Variants in MBTPS1 observed in about 807,000 individuals in gnomAD.
MBTPS1 encodes membrane-bound transcription factor site-1 protease.
MBTPS1 carries 94 observed loss-of-function variants against 127.8 expected under a neutral mutation model. The ratio of observed to expected loss-of-function variants is 0.74; its 90% confidence interval spans 0.62 to 0.87. The LOEUF (loss-of-function observed/expected upper bound fraction) is 0.87, where lower values mean the gene tolerates loss of function less well. Ranked by LOEUF, MBTPS1 falls within the 40% of genes least tolerant of loss-of-function variation. The pLI, the probability that MBTPS1 is intolerant of heterozygous loss-of-function variation, is 0.00. For synonymous variants in MBTPS1, 632 were observed against 509.4 expected, an observed-to-expected ratio of 1.24 and a Z score of -3.24; for missense variants, 1,636 against 1,353.2, an observed-to-expected ratio of 1.21 and a Z score of -3.28.
At chr16:84,062,903 G>C (rs139003706) in intron 19 of MBTPS1, among the ~76,000 whole-genome samples, 1 of 152,196 alleles carries the variant, frequency 6.6e-6, no homozygotes, top group Admixed American at 6.6e-5. Context: ...CAGTAAAAGA[G>C]TGAGTCAGAC....
rs550233272 is a variant in MBTPS1 at position 84,097,790 on chromosome 16, C to T, written c.421+1263G>A. 1.5e-3 allele frequency among the ~76,000 whole-genome samples: 230 copies of T among 151,816 alleles called. 2 individuals are homozygous for T. Among genetic ancestry groups the T allele is most frequent in the Non-Finnish European group, 2.6e-3 (178 of 67,962 alleles). ...CAGAAAAGGCTCTGAAAAAGTCAGA[C>T]GCCTTAAGTTTACACCTGGTTTTAC... On this transcript the variant is annotated intron_variant, in intron 3 of 22. Transcript: ENST00000343411.
In MBTPS1 at chr16:84,101,817, T is replaced by C. The variant is rs1180161312; in HGVS notation, c.-34A>G. ...GCGAATATGATCATAAAATTGCATA[T>C]ATTCAAATCACACTTTTTTCTTCTT... On this transcript the variant is annotated 5_prime_UTR_variant, in exon 2 of 23. It adds an upstream start codon to the 5' untranslated region. Transcript: ENST00000343411. The C allele has an allele frequency of 1.3e-6, 2 of 1,576,324 alleles. No homozygotes were observed. The highest frequency in any genetic ancestry group is 1.2e-5 in the South Asian group (1 of 86,954).
In MBTPS1 at chr16:84,099,212, T is replaced by C. The variant is rs779138922; in HGVS notation, c.262A>G (p.Ile88Val). ...KSSEVDNWRI[I>V]PRNNPSSDYP... is the part of the protein sequence containing the mutation. ...TCACTGGATGGATTGTTTCGAGGTA[T>C]AATTCTCCAATTGTCTACTTCACTG... Residue 88 changes from isoleucine to valine, a missense_variant, in exon 3 of 23, where the codon ATA becomes GTA. By Grantham distance (29) the Ile-to-Val change is conservative (BLOSUM62 3). Coordinates refer to ENST00000343411, the MANE Select transcript of MBTPS1 (RefSeq NM_003791.4). The C allele has an allele frequency of 6.4e-5, 104 of 1,614,110 alleles. No individual in the cohort carries two copies. The highest frequency in any genetic ancestry group is 8.3e-5 in the Admixed American group (5 of 60,010).
chr16:84,071,945 C>G (rs1171551830), intron 12 of MBTPS1: 1 of 152,118 alleles, frequency 6.6e-6, no homozygotes, highest in Non-Finnish European at 1.5e-5. Flanking sequence ...CAAGAGGAAA[C>G]AGAATTCGTA....
chr16:84,094,636 A>G (rs909625993), intron 4 of MBTPS1, among the ~76,000 whole-genome samples: 1 of 152,272 alleles, frequency 6.6e-6, no homozygotes, highest in Non-Finnish European at 1.5e-5. Flanking sequence ...TATTAAACTG[A>G]GATAAATATA....
chr16:84,054,930 C>T (rs1014348601), intron 22 of MBTPS1, among the ~76,000 whole-genome samples: 1 of 152,174 alleles, frequency 6.6e-6, no homozygotes, highest in African/African-American at 2.4e-5. Flanking sequence ...CCCAGCTATG[C>T]TTCTGTCACA....
chr16:84,065,176 G>C lies in MBTPS1; in HGVS notation c.2431+514C>G, dbSNP rs201271394. Among the ~76,000 whole-genome samples the C allele has an allele frequency of 4.0e-5, 6 of 149,696 alleles. No homozygotes were observed. In the East Asian group the frequency reaches 1.2e-3, roughly 29 times the overall value. Reference sequence around the variant, plus strand: ...TCTGTTGCCCAGGCTGGAGTGCAGTGGCATGATCTTGGGTAACTGCAACCT... The same window carrying C: ...TCTGTTGCCCAGGCTGGAGTGCAGTCGCATGATCTTGGGTAACTGCAACCT... On this transcript the variant is annotated intron_variant, in intron 18 of 22. Coordinates refer to ENST00000343411, the MANE Select transcript of MBTPS1 (RefSeq NM_003791.4).
intron 21 of MBTPS1, chr16:84,057,155 A>G (rs1018228903): frequency 1.3e-5 from 2 of 151,672 alleles, no homozygotes; most frequent in African/African-American, 4.8e-5. Context: ...CAAGAGAGAG[A>G]CTCCCACTCG....
chr16:84,092,005 G>A (rs2086116989), intron 6 of MBTPS1, among the ~76,000 whole-genome samples, 157 bp from the exon 7 acceptor site: 1 of 152,058 alleles, frequency 6.6e-6, no homozygotes, highest in Admixed American at 6.5e-5. Flanking sequence ...ATAATGCTCT[G>A]GAGAGTAAAA....
At chr16:84,059,980 TCTTTTTA>T (rs1312679694) in intron 20 of MBTPS1, 1 of 152,594 alleles carries the variant, frequency 6.6e-6, no homozygotes, top group East Asian at 1.9e-4. Context: ...CATCTGTGTT[TCTTTTTA>T]CTTTTTAAAC....
chr16:84,068,867 C>T (rs1009936927), intron 14 of MBTPS1, among the ~76,000 whole-genome samples: 1 of 152,224 alleles, frequency 6.6e-6, no homozygotes, highest in Non-Finnish European at 1.5e-5. Flanking sequence ...AAGACAGCGG[C>T]ACAGCTAACT....
rs1203680870 is a variant in MBTPS1, at chr16:84,070,670, G to C, written c.1700C>G (p.Ser567Cys). ...CCAGGAAGCCGCTTTCTTGGTCACA[G>C]AAATGGAGATGGCCAGGTAGCCCGA... ...PWSGYLAISI[S>C]VTKKAASWEG... Residue 567 changes from serine to cysteine, a missense_variant, in exon 13 of 23, where the codon TCT (serine) becomes TGT (cysteine). Transcript: ENST00000343411. 2 of 1,614,026 alleles carry C rather than the reference G, an allele frequency of 1.2e-6. No individual in the cohort carries two copies. The highest frequency in any genetic ancestry group is 8.5e-7 in the Non-Finnish European group (1 of 1,179,996).
intron 11 of MBTPS1, among the ~76,000 whole-genome samples, chr16:84,079,124 GCT>G (rs993227022): frequency 2.6e-5 from 4 of 152,150 alleles, no homozygotes; most frequent in Non-Finnish European, 5.9e-5. Context: ...GGACCTCCCC[GCT>G]CTCTTGCTCC....
chr16:84,093,354 C>T (rs767375436), intron 5 of MBTPS1, 57 bp from the exon 6 acceptor site: 48 of 1,164,014 alleles, frequency 4.1e-5, no homozygotes, highest in African/African-American at 2.0e-4. Flanking sequence ...AGTGCCAGGA[C>T]GCAACATTCC....
intron 12 of MBTPS1, 76 bp from the exon 13 acceptor site, chr16:84,070,852 A>G (rs969423525): frequency 1.7e-6 from 2 of 1,162,932 alleles, no homozygotes; most frequent in East Asian, 2.4e-5. Context: ...AGAAAAACTC[A>G]ATTCTTACCA....
At chr16:84,114,475 C>A (rs1285507942) in intron 1 of MBTPS1, among the ~76,000 whole-genome samples, 1 of 152,122 alleles carries the variant, frequency 6.6e-6, no homozygotes, top group African/African-American at 2.4e-5. Flanking sequence ...CTTAGTCATG[C>A]AGTATTAGCT....
At chr16:84,092,736 C>G (rs1052517212) in intron 6 of MBTPS1, among the ~76,000 whole-genome samples, 5 of 152,216 alleles carry the variant, frequency 3.3e-5, no homozygotes, top group Non-Finnish European at 5.9e-5. Context: ...AGGAACAAGG[C>G]TTGTAAACTC....
rs1314175999 is a variant in MBTPS1, at chr16:84,074,818, G to A, written c.1449-77C>T. 6 of 1,368,640 alleles carry A rather than the reference G, an allele frequency of 4.4e-6. No individual in the cohort carries two copies. In the Admixed American group the frequency reaches 6.2e-5, roughly 14 times the overall value. 84.8% of individuals were successfully genotyped at this position (1,368,640 alleles called of 1,614,324 possible). A position where few individuals can be genotyped will look rare whatever the true frequency, so the allele number is the denominator to read the frequency against. ...AAGCAACACAACTGTACAAGACAGAGTTAACAAAGCAGACCTAGCTTCAGA... is the reference window on the plus strand; with the variant it reads ...AAGCAACACAACTGTACAAGACAGAATTAACAAAGCAGACCTAGCTTCAGA... On this transcript the variant is annotated intron_variant, in intron 11 of 22. Transcript: ENST00000343411.
intron 12 of MBTPS1, among the ~76,000 whole-genome samples, chr16:84,074,273 C>A (rs900350021): frequency 6.6e-6 from 1 of 150,852 alleles, no homozygotes; most frequent in Non-Finnish European, 1.5e-5. Context: ...CTTGCTCTGT[C>A]ATCCAGGCTG....
Sources: gnomAD v4.1 joint callset for allele counts (sites outside exome capture counted in the v4.1 genomes callset) on GRCh38, gnomAD v4.1.1 for gene constraint, MANE v1.5 for transcripts, NCBI Gene and HGNC (gene_info 2026-07-23, HGNC 2026-07-21) for gene names.